NFE2L3: variants seen among roughly 807,000 people sequenced by gnomAD.
The protein encoded by NFE2L3 is nuclear factor erythroid 2-related factor 3.
A neutral mutation model predicts 23.5 loss-of-function variants in NFE2L3; 18 were observed. The ratio of observed to expected loss-of-function variants is 0.77; its 90% CI spans 0.53 to 1.13. The LOEUF (loss-of-function observed/expected upper bound fraction) is 1.13. NFE2L3 is among the 50% of genes most tolerant of loss of function. The pLI, the probability that NFE2L3 is intolerant of heterozygous loss-of-function variation, is 0.00. For missense variants in NFE2L3, 1,152 were observed against 877.2 expected (o/e 1.31, Z -3.96); for synonymous variants, 424 against 354.5 (o/e 1.20, Z -2.20).
rs143819798 is a variant in NFE2L3, at chr7:26,185,134, A to C, written c.1436A>C (p.Asp479Ala). 15 of 1,613,886 alleles carry C rather than the reference A, an allele frequency of 9.3e-6. No homozygotes were observed. Among genetic ancestry groups the C allele is most frequent in the Non-Finnish European group, 1.3e-5 (15 of 1,179,830 alleles). The stretch of plus-strand genomic sequence containing the variant: ...GAACCCAGTAAGCTTTGTCACTTGG[A>C]TCAAAGTGATTCTGATTTCCATGGA... ...YPEPSKLCHL[D>A]QSDSDFHGDL... Residue 479 changes from aspartate to alanine, a missense_variant, in exon 4 of 4, where the codon GAT becomes GCT. Transcript: ENST00000056233.
At chr7:26,171,722 T>C (rs1784330456) in intron 1 of NFE2L3, among the ~76,000 whole-genome samples, 2 of 152,140 alleles carry the variant, frequency 1.3e-5, no homozygotes, top group Admixed American at 1.3e-4. Flanking sequence ...TATTTTTGGT[T>C]CCCTCTCTCT....
At position 26,152,416 on chromosome 7, in the gene NFE2L3, C is replaced by A; in HGVS notation, c.-83C>A. The A allele has an allele frequency of 2.0e-6, 2 of 1,004,958 alleles. No individual in the cohort carries two copies. Among genetic ancestry groups the A allele is most frequent in the Non-Finnish European group, 2.5e-6 (2 of 794,086 alleles). The allele number at this position is 1,004,958 out of a possible 1,614,324, so 62.3% of individuals were successfully genotyped here. ...GTTCCAGGCAGGTGCGGGCGGCGCG[C>A]GGGGTCCGCACGTGTCACCCCGGCG... On this transcript the variant is annotated 5_prime_UTR_variant, in exon 1 of 4. Transcript: ENST00000056233. This position sits in a 1 kb window ranked among gnomAD's most constrained non-coding sequence, Gnocchi z 4.4.
At chr7:26,154,073 T>C (rs1370992979) in intron 1 of NFE2L3, among the ~76,000 whole-genome samples, 1 of 152,202 alleles carries the variant, frequency 6.6e-6, no homozygotes, top group Non-Finnish European at 1.5e-5. Context: ...GAATTGCCGT[T>C]TGTGTAGGCT....
rs1377441323 is a variant in NFE2L3 at position 26,182,178 on chromosome 7, T to C, written c.751-1523T>C. Among the ~76,000 whole-genome samples, 4 of 152,330 alleles carry C rather than the reference T, an allele frequency of 2.6e-5. No individual in the cohort carries two copies. In the East Asian group the frequency reaches 7.7e-4, roughly 29 times the overall value. ...CGTCAAGAACTAAGAAGAAACATTTTTTAAATTACCTGAGATAGAAAAGTT... is the reference window on the plus strand; with the variant it reads ...CGTCAAGAACTAAGAAGAAACATTTCTTAAATTACCTGAGATAGAAAAGTT... On this transcript the variant is annotated intron_variant, in intron 2 of 3. Transcript: ENST00000056233.
intron 1 of NFE2L3, among the ~76,000 whole-genome samples, chr7:26,159,761 G>T (rs1428998626): frequency 6.6e-6 from 1 of 152,116 alleles, no homozygotes; most frequent in Non-Finnish European, 1.5e-5. Context: ...ATCAAGTGGT[G>T]AAACTTGGGA....
Position 26,185,007 on chromosome 7 carries a change from T to C in NFE2L3, c.1309T>C (p.Ser437Pro). 1 of 1,613,880 alleles carries C rather than the reference T, an allele frequency of 6.2e-7. No homozygotes were observed. Among genetic ancestry groups the C allele is most frequent in the Admixed American group, 1.7e-5 (1 of 60,012 alleles). The change falls in exon 4 of 4, where the codon TCC becomes CCC. Residue 437 changes from serine to proline, a missense_variant. Physicochemically the swap from Ser to Pro is moderately conservative, Grantham distance 74. Transcript: ENST00000056233. ...TAATACCTCTGTCATCAAGTCTAAT[T>C]CCTCTCACTCTGTGTGTGATGAAGG... The part of the protein sequence containing the change: ...HNNTSVIKSN[S>P]SHSVCDEGAI...
In NFE2L3 at chr7:26,184,760, A is replaced by C; in HGVS notation, c.1062A>C (p.Gln354His). 6.2e-7 allele frequency: 1 copy of C among 1,613,944 alleles called. No homozygotes were observed. The highest frequency in any genetic ancestry group is 8.5e-7 in the Non-Finnish European group (1 of 1,179,854). ...QLNSHTTNPE[Q>H]TLPGTNLTGF... ...ATTCTCATACCACCAATCCTGAGCA[A>C]ACCCTTCCTGGAACTAATTTGACAG... The change falls in exon 4 of 4, where the codon CAA becomes CAC. Residue 354 changes from glutamine (Q) to histidine (H), a missense_variant. Coordinates refer to ENST00000056233, the MANE Select transcript of NFE2L3 (RefSeq NM_004289.7).
chr7:26,183,548 A>ATAT (rs113852178), intron 2 of NFE2L3, among the ~76,000 whole-genome samples, 153 bp from the exon 3 acceptor site: 9 of 143,966 alleles, frequency 6.3e-5, no homozygotes, highest in African/African-American at 2.3e-4. Flanking sequence ...CCGTCTCAAA[A>ATAT]TATAATAAAA....
rs527743577 is a variant in NFE2L3, at chr7:26,186,208, G to C, written c.*425G>C. The C allele has an allele frequency of 6.5e-6, 1 of 154,222 alleles. No individual in the cohort carries two copies. Among genetic ancestry groups the C allele is most frequent in the Admixed American group, 6.5e-5 (1 of 15,352 alleles). 9.6% of individuals were successfully genotyped at this position (154,222 alleles called of 1,614,324 possible). A position where few individuals can be genotyped will look rare whatever the true frequency, so the allele number is the denominator to read the frequency against. On this transcript the variant is annotated 3_prime_UTR_variant, in exon 4 of 4. Coordinates refer to ENST00000056233, the MANE Select transcript of NFE2L3 (RefSeq NM_004289.7). ...TCATTTAGTTTGTTAGCACTATAGT[G>C]AGCTTTTCAAACACTATTTTAATCT... is the stretch of plus-strand genomic sequence containing the variant.
At chr7:26,155,482 C>A (rs1784067327) in intron 1 of NFE2L3, among the ~76,000 whole-genome samples, 1 of 151,956 alleles carries the variant, frequency 6.6e-6, no homozygotes, top group Admixed American at 6.6e-5. Flanking sequence ...AACTAGAAGC[C>A]TAGGTTAGGG....
At chr7:26,183,934 G>A (rs561666351) in intron 3 of NFE2L3, 150 bp downstream of exon 3, 5 of 584,976 alleles carry the variant, frequency 8.5e-6, no homozygotes, top group South Asian at 2.2e-5. Flanking sequence ...AACCAAATAT[G>A]TATAGCATTC....
chr7:26,159,022 C>T (rs1353948788), intron 1 of NFE2L3, among the ~76,000 whole-genome samples: 1 of 152,226 alleles, frequency 6.6e-6, no homozygotes, highest in Non-Finnish European at 1.5e-5. Context: ...TTACTCCCGT[C>T]CATTGTGTTG....
chr7:26,186,511 A>G lies in NFE2L3; in HGVS notation c.*728A>G, dbSNP rs1034024406. On this transcript the variant is annotated 3_prime_UTR_variant, in exon 4 of 4. Transcript: ENST00000056233. ...ACACACAGAATACTATGTGATATAGAATGCACTGAAGACCTACGGTCACTG... is the reference window on the plus strand; with the variant it reads ...ACACACAGAATACTATGTGATATAGGATGCACTGAAGACCTACGGTCACTG... 2 of 152,240 alleles carry G rather than the reference A, an allele frequency of 1.3e-5. No homozygotes were observed. Among genetic ancestry groups the G allele is most frequent in the Admixed American group, 1.3e-4 (2 of 15,286 alleles). The allele number at this position is 152,240 out of a possible 1,614,324, so 9.4% of individuals were successfully genotyped here.
chr7:26,183,252 T>G (rs567714328), intron 2 of NFE2L3, among the ~76,000 whole-genome samples: 1 of 152,102 alleles, frequency 6.6e-6, no homozygotes, highest in Non-Finnish European at 1.5e-5. Context: ...CTGAGTACCA[T>G]AATCAGAGAA....
chr7:26,161,110 C>T (rs148442893), intron 1 of NFE2L3, among the ~76,000 whole-genome samples: 22 of 152,256 alleles, frequency 1.4e-4, no homozygotes, highest in African/African-American at 5.3e-4. Context: ...AGGAACCCTT[C>T]CCTCCCCAAG....
At chr7:26,155,583 C>A (rs1037407796) in intron 1 of NFE2L3, among the ~76,000 whole-genome samples, 1 of 152,162 alleles carries the variant, frequency 6.6e-6, no homozygotes, top group Non-Finnish European at 1.5e-5. Context: ...AGTACCTACA[C>A]GGTACTCAAG....
intron 1 of NFE2L3, among the ~76,000 whole-genome samples, chr7:26,167,145 C>T (rs752227931): frequency 4.6e-5 from 7 of 152,114 alleles, no homozygotes; most frequent in East Asian, 1.9e-4. Flanking sequence ...AAAACCTTTG[C>T]GCAAGACTCT....
intron 1 of NFE2L3, 128 bp downstream of exon 1, chr7:26,153,196 G>GCATCTGCGAACCTGCAAA: frequency 1.1e-6 from 1 of 928,896 alleles, no homozygotes; most frequent in Non-Finnish European, 1.5e-6. Flanking sequence ...GGTCTTTGCA[G>GCATCTGCGAACCTGCAAA]GTTCGCAGAT....
chr7:26,185,448 C>A lies in NFE2L3; in HGVS notation c.1750C>A (p.Arg584=). Residue 584 remains arginine (R), a synonymous_variant, in exon 4 of 4, where the codon CGA becomes AGA. Transcript: ENST00000056233. ...AGTCTCACTTATCCGTGACATCAGA[C>A]GAAGAGGGAAAAATAAAGTTGCTGC... is the stretch of plus-strand genomic sequence containing the variant. ...LQVSLIRDIR[R]RGKNKVAAQN... 1 of 1,613,908 alleles carries A rather than the reference C, an allele frequency of 6.2e-7. No homozygotes were observed. The highest frequency in any genetic ancestry group is 1.1e-5 in the South Asian group (1 of 91,074).
Sources: allele counts gnomAD v4.1 joint callset (sites outside exome capture counted in the v4.1 genomes callset), GRCh38; gene constraint gnomAD v4.1.1; non-coding constraint Gnocchi (gnomAD v3.1); transcripts MANE v1.5; gene names NCBI Gene and HGNC (gene_info 2026-07-23, HGNC 2026-07-21).